The following AMPH variants were observed in gnomAD, a reference collection of about 807,000 sequenced individuals.
The protein encoded by AMPH is amphiphysin (Stiff-Mann syndrome with breast cancer 128kD autoantigen).
AMPH carries 49 observed loss-of-function variants against 99.1 expected under a neutral mutation model. The observed-to-expected ratio is 0.49, with a 90% CI of 0.39 to 0.63. The LOEUF is 0.63. Among genes scored for constraint, AMPH ranks in the 20% least tolerant of loss-of-function variants. AMPH has a pLI of 0.00. For synonymous variants in AMPH, 314 were observed against 317.3 expected (o/e 0.99, Z 0.11); for missense variants, 759 against 863.4 (o/e 0.88, Z 1.52).
At chr7:38,539,366 G>A (rs182016372) in intron 1 of AMPH, among the ~76,000 whole-genome samples, 1 of 152,246 alleles carries the variant, frequency 6.6e-6, no homozygotes, top group Non-Finnish European at 1.5e-5. Flanking sequence ...CCAGAACTTG[G>A]GGGCATGAAG....
In AMPH at chr7:38,384,804, C is replaced by A. The variant is rs372273504; in HGVS notation, c.*14G>T. On this transcript the variant is annotated 3_prime_UTR_variant, in exon 21 of 21. Coordinates refer to ENST00000356264, the MANE Select transcript of AMPH (RefSeq NM_001635.4). ...AACCCCGTAACTGAGCTCCTTCTTG[C>A]AGTACTTGTTGCCCTAATCTAAGCG... 5.6e-6 allele frequency: 9 copies of A among 1,607,350 alleles called. No individual in the cohort carries two copies. The highest frequency in any genetic ancestry group is 1.1e-5 in the South Asian group (1 of 90,868).
chr7:38,441,803 T>TATCTATCATATATATC (rs1584096578), intron 11 of AMPH, among the ~76,000 whole-genome samples: 14 of 64,314 alleles, frequency 2.2e-4, no homozygotes, highest in African/African-American at 7.5e-4. Context: ...ATATATCATA[T>TATCTATCATATATATC]ATATATCATA....
rs70977407 is a variant in AMPH at position 38,467,640 on chromosome 7, ATGTGTGTG to A, written c.591-1400_591-1393del. ...CTCTATTTATACTTACAATGGAAAT[ATGTGTGTG>A]TGTGTGTGTGTGTGTGTAAGAGAAA... On this transcript the variant is annotated intron_variant, in intron 7 of 20. Coordinates refer to ENST00000356264, the MANE Select transcript of AMPH (RefSeq NM_001635.4). 2.4e-4 allele frequency among the ~76,000 whole-genome samples: 35 copies of A among 148,846 alleles called. 1 individual carries two copies. The highest frequency in any genetic ancestry group is 7.7e-4 in the African/African-American group (31 of 40,310).
intron 5 of AMPH, among the ~76,000 whole-genome samples, chr7:38,482,215 T>A (rs1788310400): frequency 6.6e-6 from 1 of 152,272 alleles, no homozygotes; most frequent in Non-Finnish European, 1.5e-5. Context: ...GTTTCCTAAA[T>A]GTGGCTTGAG....
At chr7:38,453,007 CCT>C (rs1169512861) in intron 11 of AMPH, among the ~76,000 whole-genome samples, 1 of 152,104 alleles carries the variant, frequency 6.6e-6, no homozygotes, top group African/African-American at 2.4e-5. Context: ...AATATAAATC[CCT>C]GTTTCACTCC....
chr7:38,462,853 A>T, intron 10 of AMPH, 122 bp downstream of exon 10: 1 of 1,094,004 alleles, frequency 9.1e-7, no homozygotes, highest in Non-Finnish European at 1.3e-6. Context: ...CTAAAGCCTC[A>T]CATCTCAGTC....
chr7:38,596,446 T>G (rs1793062883), intron 1 of AMPH, among the ~76,000 whole-genome samples: 1 of 152,054 alleles, frequency 6.6e-6, no homozygotes, highest in African/African-American at 2.4e-5. Flanking sequence ...AGGGTAAAAG[T>G]TTTGTATGTT....
At chr7:38,488,352 G>A (rs1034761984) in intron 5 of AMPH, among the ~76,000 whole-genome samples, 1 of 152,160 alleles carries the variant, frequency 6.6e-6, no homozygotes, top group African/African-American at 2.4e-5. Context: ...CCATAAAAAA[G>A]GATGAGTTCA....
chr7:38,556,235 A>C (rs1304530859), intron 1 of AMPH, among the ~76,000 whole-genome samples: 1 of 152,224 alleles, frequency 6.6e-6, no homozygotes, highest in East Asian at 1.9e-4. Context: ...CCTTTAAAAA[A>C]ATGTGATCGA....
chr7:38,460,315 A>G (rs1486877651), intron 11 of AMPH, among the ~76,000 whole-genome samples: 1 of 152,206 alleles, frequency 6.6e-6, no homozygotes, highest in Non-Finnish European at 1.5e-5. Context: ...GAACTACCAT[A>G]AGATCCAGCA....
At chr7:38,481,798 T>A (rs1377957770) in intron 5 of AMPH, among the ~76,000 whole-genome samples, 2 of 152,118 alleles carry the variant, frequency 1.3e-5, no homozygotes, top group Admixed American at 1.3e-4. Flanking sequence ...GTCAACTGTG[T>A]TCCATGCTTT....
At chr7:38,436,869 C>T (rs1392864987) in intron 11 of AMPH, among the ~76,000 whole-genome samples, 1 of 152,174 alleles carries the variant, frequency 6.6e-6, no homozygotes, top group Non-Finnish European at 1.5e-5. Flanking sequence ...CTGACCACAT[C>T]CCAACGGCCT....
chr7:38,578,964 T>C (rs1016916052), intron 1 of AMPH, among the ~76,000 whole-genome samples: 4 of 152,246 alleles, frequency 2.6e-5, no homozygotes, highest in African/African-American at 9.6e-5. Flanking sequence ...TTGCATGTCA[T>C]ACAGCTTCTG....
intron 11 of AMPH, among the ~76,000 whole-genome samples, chr7:38,452,674 T>C (rs887967865): frequency 6.6e-6 from 1 of 152,242 alleles, no homozygotes; most frequent in Non-Finnish European, 1.5e-5. Context: ...AATAAATCTA[T>C]TAATTCACTG....
At chr7:38,609,114 C>T (rs777988400) in intron 1 of AMPH, among the ~76,000 whole-genome samples, 4 of 151,982 alleles carry the variant, frequency 2.6e-5, no homozygotes, top group Non-Finnish European at 5.9e-5. Flanking sequence ...GATCACAAGG[C>T]GGAGGGAGGG....
intron 1 of AMPH, among the ~76,000 whole-genome samples, chr7:38,620,548 T>TACATACAC (rs762126304): frequency 1.5e-5 from 2 of 133,100 alleles, no homozygotes; most frequent in African/African-American, 5.7e-5. Flanking sequence ...TATACATACA[T>TACATACAC]ACACACACAC....
chr7:38,485,564 T>A (rs1788457914), intron 5 of AMPH, among the ~76,000 whole-genome samples: 1 of 151,904 alleles, frequency 6.6e-6, no homozygotes, highest in South Asian at 2.1e-4. Flanking sequence ...TCAATTACAA[T>A]TTCAATTATA....
At chr7:38,617,847 TG>T (rs2129069166) in intron 1 of AMPH, among the ~76,000 whole-genome samples, 1 of 52,504 alleles carries the variant, frequency 1.9e-5, no homozygotes, top group South Asian at 3.2e-4. Context: ...AACTATGGAA[TG>T]GAAAAAAAAA....
At chr7:38,610,381 AGG>A (rs1793636924) in intron 1 of AMPH, among the ~76,000 whole-genome samples, 1 of 56,516 alleles carries the variant, frequency 1.8e-5, no homozygotes, top group Non-Finnish European at 3.9e-5. Context: ...AAGAAAGGAA[AGG>A]AAAAGAAAAG....
Sources: allele counts gnomAD v4.1 joint callset (sites outside exome capture counted in the v4.1 genomes callset), GRCh38; gene constraint gnomAD v4.1.1; transcripts MANE v1.5; gene names NCBI Gene and HGNC (gene_info 2026-07-23, HGNC 2026-07-21).